Variants in DIP2C observed in about 807,000 individuals in gnomAD.
The protein encoded by DIP2C is disco-interacting protein 2 homolog C.
A neutral mutation model predicts 192.4 loss-of-function variants in DIP2C; 33 were observed. That is an observed-to-expected ratio of 0.17 (90% CI 0.13 to 0.23). The LOEUF (loss-of-function observed/expected upper bound fraction) is 0.23, where lower values mean the gene tolerates loss of function less well. DIP2C is among the 10% of genes least tolerant of loss of function. The pLI, the probability that DIP2C is intolerant of heterozygous loss-of-function variation, is 1.00. For synonymous variants in DIP2C, 979 were observed against 864.1 expected, an observed-to-expected ratio of 1.13 and a Z score of -2.33; for missense variants, 1,537 against 2,110.1, an observed-to-expected ratio of 0.73 and a Z score of 5.32.
chr10:314,620 C>T (rs905999283), intron 31 of DIP2C, among the ~76,000 whole-genome samples: 7 of 152,180 alleles, frequency 4.6e-5, no homozygotes, highest in African/African-American at 1.2e-4. Flanking sequence ...GGCATCAGGA[C>T]GAGGCTGGGT....
intron 1 of DIP2C, among the ~76,000 whole-genome samples, chr10:684,657 G>T (rs1241675954): frequency 6.6e-6 from 1 of 152,134 alleles, no homozygotes; most frequent in Admixed American, 6.5e-5. Flanking sequence ...GCCGAGGGCA[G>T]AACTCCATTC....
intron 4 of DIP2C, among the ~76,000 whole-genome samples, chr10:434,693 G>C (rs1286558770): frequency 8.0e-5 from 12 of 149,270 alleles, no homozygotes; most frequent in Non-Finnish European, 1.5e-4. Flanking sequence ...TTTTCTCTGA[G>C]AAAGTCTTTA....
At chr10:368,282 C>A (rs555443980) in intron 18 of DIP2C, among the ~76,000 whole-genome samples, 2 of 152,214 alleles carry the variant, frequency 1.3e-5, no homozygotes, top group Non-Finnish European at 2.9e-5. Flanking sequence ...GGGAAGCCCG[C>A]GGTTGTTCTC....
chr10:517,727 G>A (rs999542868), intron 1 of DIP2C, among the ~76,000 whole-genome samples: 16 of 152,096 alleles, frequency 1.1e-4, no homozygotes, highest in Middle Eastern at 3.2e-3. Context: ...TTTGATTGAC[G>A]GCTTACAAAC....
At chr10:385,980 A>T (rs1427710704) in intron 14 of DIP2C, among the ~76,000 whole-genome samples, 1 of 152,146 alleles carries the variant, frequency 6.6e-6, no homozygotes, top group African/African-American at 2.4e-5. Context: ...TTTAGATGTG[A>T]CAGTGGAGAG....
At chr10:404,023 A>G (rs537860889) in intron 9 of DIP2C, among the ~76,000 whole-genome samples, 35 of 141,098 alleles carry the variant, frequency 2.5e-4, no homozygotes, top group African/African-American at 6.9e-4. Flanking sequence ...CATGTGTGGT[A>G]GCATTAGCAT....
At chr10:613,363 G>C (rs1054222704) in intron 1 of DIP2C, among the ~76,000 whole-genome samples, 1 of 152,142 alleles carries the variant, frequency 6.6e-6, no homozygotes, top group Non-Finnish European at 1.5e-5. Flanking sequence ...TAATGTGCAC[G>C]CCTGCATCTG....
chr10:306,247 G>T (rs1246267141), intron 32 of DIP2C, among the ~76,000 whole-genome samples: 1 of 151,866 alleles, frequency 6.6e-6, no homozygotes, highest in Non-Finnish European at 1.5e-5. Flanking sequence ...GCTCTCCATG[G>T]TGACCTGTCA....
At position 364,881 on chromosome 10, in the gene DIP2C, A is replaced by G. The variant is rs866617522; in HGVS notation, c.2269-299T>C. 9.7e-6 allele frequency: 6 copies of G among 620,430 alleles called. No individual in the cohort carries two copies. In the Middle Eastern group the frequency reaches 1.6e-3, roughly 166 times the overall value. The allele number at this position is 620,430 out of a possible 1,614,324, so 38.4% of individuals were successfully genotyped here. ...CCAGAAGTCTCACAGGAGGCCAATC[A>G]GCAGTAACTGATTACTTGGTTTACA... is the stretch of plus-strand genomic sequence containing the variant. On this transcript the variant is annotated intron_variant, in intron 19 of 36. Transcript: ENST00000280886.
intron 10 of DIP2C, 121 bp from the exon 11 acceptor site, chr10:390,984 G>T: frequency 7.1e-7 from 1 of 1,418,434 alleles, no homozygotes; most frequent in Non-Finnish European, 9.5e-7. Context: ...CCAACCCCCA[G>T]CCCTGCTGCT....
chr10:493,450 G>A (rs144999875), intron 1 of DIP2C, among the ~76,000 whole-genome samples: 7 of 152,160 alleles, frequency 4.6e-5, no homozygotes, highest in African/African-American at 7.2e-5. Context: ...TTTGGTGTTG[G>A]GGGGAGCGAG....
At chr10:670,697 A>G (rs1301320048) in intron 1 of DIP2C, among the ~76,000 whole-genome samples, 1 of 152,246 alleles carries the variant, frequency 6.6e-6, no homozygotes, top group Non-Finnish European at 1.5e-5. Flanking sequence ...TAATCACTAA[A>G]TAACTTCCTT....
chr10:491,270 G>A (rs1045273270), intron 1 of DIP2C, among the ~76,000 whole-genome samples: 10 of 152,320 alleles, frequency 6.6e-5, no homozygotes, highest in Admixed American at 2.0e-4. Flanking sequence ...AGACCCACTC[G>A]GCAGTGGCGG....
intron 17 of DIP2C, among the ~76,000 whole-genome samples, chr10:378,573 A>G (rs1961931488): frequency 7.5e-6 from 1 of 132,708 alleles, no homozygotes; most frequent in Admixed American, 7.7e-5. Flanking sequence ...ACAAACATGC[A>G]GACATGTGAA....
chr10:617,268 A>G (rs1182233907), intron 1 of DIP2C, among the ~76,000 whole-genome samples: 1 of 150,196 alleles, frequency 6.7e-6, no homozygotes, highest in Non-Finnish European at 1.5e-5. Flanking sequence ...GGGGGACTGC[A>G]AATAGCAGCG....
chr10:542,859 A>T (rs1471293501), intron 1 of DIP2C, among the ~76,000 whole-genome samples: 1 of 152,028 alleles, frequency 6.6e-6, no homozygotes, highest in Non-Finnish European at 1.5e-5. Flanking sequence ...ACCACAGATC[A>T]TCAGATCCCA....
chr10:515,095 T>C (rs1002190329), intron 1 of DIP2C, among the ~76,000 whole-genome samples: 3 of 152,166 alleles, frequency 2.0e-5, no homozygotes, highest in Admixed American at 1.3e-4. Context: ...TATTAAGAAT[T>C]ATAAACGTTA....
At chr10:650,684 GC>G in intron 1 of DIP2C, 1 of 619,658 alleles carries the variant, frequency 1.6e-6, no homozygotes. Flanking sequence ...GGGCCTCCCA[GC>G]CTTAGAGCCC....
chr10:534,042 A>G (rs1008571793), intron 1 of DIP2C, among the ~76,000 whole-genome samples: 17 of 151,534 alleles, frequency 1.1e-4, no homozygotes, highest in African/African-American at 1.7e-4. Context: ...TCAATGGACC[A>G]TGAAGCCCAC....
Sources: gnomAD v4.1 joint callset for allele counts (sites outside exome capture counted in the v4.1 genomes callset) on GRCh38, gnomAD v4.1.1 for gene constraint, MANE v1.5 for transcripts, NCBI Gene and HGNC (gene_info 2026-07-23, HGNC 2026-07-21) for gene names.